The following WRAP73 variants were observed in gnomAD, a reference collection of about 807,000 sequenced individuals.
WRAP73 encodes WD repeat-containing protein WRAP73.
Under a neutral mutation model 59.6 loss-of-function variants are expected in WRAP73, and 55 were observed. The observed-to-expected ratio is 0.92, with a 90% CI of 0.74 to 1.15. WRAP73 has a LOEUF of 1.15. Ranked by LOEUF, WRAP73 falls within the 50% of genes most tolerant of loss-of-function variation. The pLI is 0.00. For synonymous variants in WRAP73, 265 were observed against 258.2 expected, an observed-to-expected ratio of 1.03 and a Z score of -0.25; for missense variants, 592 against 608.1, an observed-to-expected ratio of 0.97 and a Z score of 0.28.
chr1:3,642,038 T>A (rs1570306908), intron 3 of WRAP73, among the ~76,000 whole-genome samples: 1 of 152,240 alleles, frequency 6.6e-6, no homozygotes, highest in East Asian at 1.9e-4. Flanking sequence ...GAAATCTGTT[T>A]ACAAACAGTT....
intron 4 of WRAP73, among the ~76,000 whole-genome samples, chr1:3,638,511 C>T (rs537860530): frequency 7.2e-5 from 11 of 152,194 alleles, no homozygotes; most frequent in African/African-American, 1.4e-4. Flanking sequence ...TCTTAGGCCA[C>T]GTTGTCTTGA....
chr1:3,636,101 T>C (rs1644587300), intron 5 of WRAP73, 71 bp from the exon 6 acceptor site: 1 of 1,161,164 alleles, frequency 8.6e-7, no homozygotes, highest in Non-Finnish European at 1.3e-6. Flanking sequence ...CATTTATGAC[T>C]GATGTTCTTA....
At chr1:3,634,706 AG>A (rs1644573022) in intron 8 of WRAP73, 2 of 446,972 alleles carry the variant, frequency 4.5e-6, no homozygotes, top group Middle Eastern at 6.6e-4. Context: ...CACTCTGTAC[AG>A]CACAGGGATC....
chr1:3,638,118 T>G (rs1644605055), intron 4 of WRAP73, among the ~76,000 whole-genome samples: 1 of 152,182 alleles, frequency 6.6e-6, no homozygotes, highest in Non-Finnish European at 1.5e-5. Context: ...AATGAAAGCA[T>G]CATTCCAACT....
chr1:3,631,760 G>A (rs1288851301), intron 10 of WRAP73, 103 bp from the exon 11 acceptor site: 1 of 1,478,522 alleles, frequency 6.8e-7, no homozygotes, highest in Non-Finnish European at 9.0e-7. Context: ...GGGAGGGGAA[G>A]AACCGGTGGG....
At chr1:3,644,464 G>C (rs1644671756) in intron 3 of WRAP73, among the ~76,000 whole-genome samples, 1 of 152,274 alleles carries the variant, frequency 6.6e-6, no homozygotes, top group Non-Finnish European at 1.5e-5. Flanking sequence ...CCTTGCTCTT[G>C]TGAATGAGAC....
chr1:3,643,461 C>T (rs1272842879), intron 3 of WRAP73, among the ~76,000 whole-genome samples: 1 of 152,238 alleles, frequency 6.6e-6, no homozygotes. Flanking sequence ...CTAATGGGCG[C>T]AAGCTTGCCT....
chr1:3,635,687 G>A (rs1182880270), intron 6 of WRAP73: 10 of 507,702 alleles, frequency 2.0e-5, no homozygotes, highest in South Asian at 2.3e-5. Flanking sequence ...CGGGCGTGGT[G>A]GTGCATGCTT....
chr1:3,640,507 AGGG>A (rs1644630715), intron 3 of WRAP73, among the ~76,000 whole-genome samples: 3 of 26,344 alleles, frequency 1.1e-4, no homozygotes, highest in Non-Finnish European at 2.9e-4. Context: ...GAGCATCAGC[AGGG>A]CGGGGTGCAG....
Position 3,639,551 on chromosome 1 carries a change from G to A in WRAP73, c.340-729C>T, listed in dbSNP as rs770655607. 2.6e-5 allele frequency: 4 copies of A among 152,252 alleles called. No individual in the cohort carries two copies. Among genetic ancestry groups the A allele is most frequent in the Non-Finnish European group, 5.9e-5 (4 of 68,058 alleles). 9.4% of individuals were successfully genotyped at this position (152,252 alleles called of 1,614,324 possible). A position where few individuals can be genotyped will look rare whatever the true frequency, so the allele number is the denominator to read the frequency against. ...CGTGGCAGCGCCGCGGGACTTCCAGGGCTGCTGTGTCCCTCCACCTGCATT... is the reference window on the plus strand; with the variant it reads ...CGTGGCAGCGCCGCGGGACTTCCAGAGCTGCTGTGTCCCTCCACCTGCATT... On this transcript the variant is annotated intron_variant, in intron 3 of 11. Transcript: ENST00000270708. The surrounding 1 kb of genome is among the most constrained non-coding windows in gnomAD (Gnocchi z 4.3).
chr1:3,632,465 C>T (rs1299407875), intron 9 of WRAP73, 127 bp from the exon 10 acceptor site: 17 of 1,477,528 alleles, frequency 1.2e-5, no homozygotes, highest in South Asian at 8.2e-5. Context: ...GAGGAAAGTG[C>T]GGCCCAAGGG....
chr1:3,635,328 C>A, intron 6 of WRAP73, 34 bp from the exon 7 acceptor site: 1 of 1,611,366 alleles, frequency 6.2e-7, no homozygotes. Flanking sequence ...ATAATGAATA[C>A]ACCCCCGTCG....
chr1:3,634,013 C>G (rs1049097398), intron 8 of WRAP73: 5 of 154,914 alleles, frequency 3.2e-5, no homozygotes, highest in Non-Finnish European at 7.1e-5. Context: ...CTGGTTCATG[C>G]CTTTAAAGCA....
At chr1:3,641,317 C>T (rs59491949) in intron 3 of WRAP73, among the ~76,000 whole-genome samples, 9,766 of 152,062 alleles carry the variant, frequency 0.064, 988 homozygotes, top group African/African-American at 0.22. Flanking sequence ...GAATGGGCCA[C>T]GGATCCAAGC....
chr1:3,632,408 C>T, intron 9 of WRAP73, 70 bp from the exon 10 acceptor site: 1 of 1,610,150 alleles, frequency 6.2e-7, no homozygotes. Flanking sequence ...TGAGAGGCTG[C>T]TGTGCCTGCA....
At chr1:3,632,772 G>A (rs1298049648) in intron 9 of WRAP73, 1 of 262,826 alleles carries the variant, frequency 3.8e-6, no homozygotes, top group Non-Finnish European at 7.4e-6. Context: ...AGCAGGGGCT[G>A]TGGAACAAGG....
chr1:3,637,195 G>A (rs1644597001), intron 4 of WRAP73, 97 bp from the exon 5 acceptor site: 1 of 1,067,022 alleles, frequency 9.4e-7, no homozygotes, highest in Non-Finnish European at 1.4e-6. Context: ...GGAAAAGAAA[G>A]CAGAGGTGAA....
At chr1:3,644,525 G>A (rs541919128) in intron 3 of WRAP73, among the ~76,000 whole-genome samples, 3 of 152,334 alleles carry the variant, frequency 2.0e-5, no homozygotes, top group African/African-American at 7.2e-5. Flanking sequence ...CTGGAATTCC[G>A]GTTTTGTTTC....
At chr1:3,636,281 G>A in intron 5 of WRAP73, 1 of 515,144 alleles carries the variant, frequency 1.9e-6, no homozygotes, top group Non-Finnish European at 3.5e-6. Context: ...GCACTCGTGT[G>A]CACACTCTCC....
Sources: gnomAD v4.1 joint callset for allele counts (sites outside exome capture counted in the v4.1 genomes callset) on GRCh38, gnomAD v4.1.1 for gene constraint, Gnocchi (gnomAD v3.1) non-coding constraint, MANE v1.5 for transcripts, NCBI Gene and HGNC (gene_info 2026-07-23, HGNC 2026-07-21) for gene names.